Variants in L3MBTL2 observed in about 807,000 individuals in gnomAD.
L3MBTL2 encodes L3MBTL histone methyl-lysine binding protein 2.
In L3MBTL2, 49 loss-of-function variants were observed where a neutral mutation model predicts 86.4. The observed-to-expected ratio is 0.57, with a 90% CI of 0.45 to 0.72. The LOEUF (loss-of-function observed/expected upper bound fraction) is 0.72, where lower values mean the gene tolerates loss of function less well. Among genes scored for constraint, L3MBTL2 ranks in the 30% least tolerant of loss-of-function variants. L3MBTL2 has a pLI of 0.00. For synonymous variants in L3MBTL2, 336 were observed against 350.6 expected, an observed-to-expected ratio of 0.96 and a Z score of 0.47; for missense variants, 755 against 923.7, an observed-to-expected ratio of 0.82 and a Z score of 2.37.
Position 41,220,629 on chromosome 22 carries a change from G to T in L3MBTL2, c.719-105G>T, listed in dbSNP as rs2031737479. The T allele has an allele frequency of 1.4e-5, 18 of 1,307,660 alleles. No individual in the cohort carries two copies. In the South Asian group the frequency reaches 2.8e-4, roughly 20 times the overall value. 81.0% of individuals were successfully genotyped at this position (1,307,660 alleles called of 1,614,324 possible). On this transcript the variant is annotated intron_variant, in intron 6 of 16. Coordinates refer to ENST00000216237, the MANE Select transcript of L3MBTL2 (RefSeq NM_031488.5). ...GCTGAGATGGCGCCACTGCACTCCA[G>T]CCTGGGCGACAGAGCAAGACTTCGT...
rs2031633869 is a variant in L3MBTL2, at chr22:41,219,261, A to G, written c.601-158A>G. ...CCCGGCTTAGCTCTTCAAGGACAGG[A>G]GACCTCATCTCTTTATCTCTAGTAG... On this transcript the variant is annotated intron_variant, in intron 5 of 16. Coordinates refer to ENST00000216237, the MANE Select transcript of L3MBTL2 (RefSeq NM_031488.5). The G allele has an allele frequency of 5.0e-6, 3 of 602,562 alleles. No homozygotes were observed. In the South Asian group the frequency reaches 5.2e-5, roughly 11 times the overall value. 37.3% of individuals were successfully genotyped at this position (602,562 alleles called of 1,614,324 possible).
At position 41,227,402 on chromosome 22, in the gene L3MBTL2, T is replaced by C. The variant is rs1488270073; in HGVS notation, c.1822+79T>C. 7.2e-7 allele frequency: 1 copy of C among 1,394,390 alleles called. No homozygotes were observed. The highest frequency in any genetic ancestry group is 9.9e-7 in the Non-Finnish European group (1 of 1,007,150). The allele number at this position is 1,394,390 out of a possible 1,614,324, so 86.4% of individuals were successfully genotyped here. A position where few individuals can be genotyped will look rare whatever the true frequency, so the allele number is the denominator to read the frequency against. On this transcript the variant is annotated intron_variant, in intron 14 of 16. Transcript: ENST00000216237. This position sits in a 1 kb window ranked among gnomAD's most constrained non-coding sequence, Gnocchi z 6.0. ...CCTTCTTCCCCCGCCCCTGTGCCCA[T>C]CTCCGTTCTTTGGCATGAGGTGGAG...
At chr22:41,211,034 G>A (rs1345469521) in intron 2 of L3MBTL2, among the ~76,000 whole-genome samples, 3 of 152,046 alleles carry the variant, frequency 2.0e-5, no homozygotes, top group African/African-American at 4.8e-5. Context: ...GGTTGGGGGC[G>A]GGCAGATGAG....
Position 41,224,918 on chromosome 22 carries a change from C to G in L3MBTL2, c.1252-49C>G. On this transcript the variant is annotated intron_variant, in intron 10 of 16. Coordinates refer to ENST00000216237, the MANE Select transcript of L3MBTL2 (RefSeq NM_031488.5). The surrounding 1 kb of genome is among the most constrained non-coding windows in gnomAD (Gnocchi z 4.9). ...CCTCCTGAGGCCTGCTTCCCTCACC[C>G]TTCCTCCTGGCCTGCCCAGGGAGTC... 1 of 1,581,572 alleles carries G rather than the reference C, an allele frequency of 6.3e-7. No individual in the cohort carries two copies. The highest frequency in any genetic ancestry group is 8.7e-7 in the Non-Finnish European group (1 of 1,152,056).
At position 41,216,181 on chromosome 22, in the gene L3MBTL2, G is replaced by A. The variant is rs1257983358; in HGVS notation, c.439G>A (p.Ala147Thr). The change falls in exon 4 of 17, where the codon GCC becomes ACC. Residue 147 changes from alanine (A) to threonine (T), a missense_variant. This residue lies in a region of L3MBTL2 where 634 missense variants were observed against 748.9 expected (regional missense o/e 0.85). Transcript: ENST00000216237. Reference protein sequence around the residue: ...TKKAKVLHKAAWSAKIGAFLH... With the variant: ...TKKAKVLHKATWSAKIGAFLH... Reference sequence around the variant, plus strand: ...AAAAGCCAAAGTCCTGCACAAGGCTGCCTGGTCTGCCAAAATTGGAGCCTT... The same window carrying A: ...AAAAGCCAAAGTCCTGCACAAGGCTACCTGGTCTGCCAAAATTGGAGCCTT... 3 of 1,614,000 alleles carry A rather than the reference G, an allele frequency of 1.9e-6. No homozygotes were observed. Among genetic ancestry groups the A allele is most frequent in the Non-Finnish European group, 2.5e-6 (3 of 1,179,990 alleles).
rs749188196 is a variant in L3MBTL2 at position 41,220,867 on chromosome 22, G to C, written c.852G>C (p.Arg284=). 6.2e-7 allele frequency: 1 copy of C among 1,612,698 alleles called. No homozygotes were observed. The highest frequency in any genetic ancestry group is 8.5e-7 in the Non-Finnish European group (1 of 1,179,050). The part of the protein sequence containing the change: ...AINSKILVPP[R]TIHAKFTDWK... ...ACAGCAAGATCCTAGTGCCCCCACGGAGTGAGTTGATGAGAACATTTCCTC... is the reference window on the plus strand; with the variant it reads ...ACAGCAAGATCCTAGTGCCCCCACGCAGTGAGTTGATGAGAACATTTCCTC... The change falls in exon 7 of 17, where the codon CGG becomes CGC. Residue 284 remains arginine, a splice_region_variant and synonymous_variant. Transcript: ENST00000216237.
In L3MBTL2 at chr22:41,230,120, G is replaced by A. The variant is rs373019962; in HGVS notation, c.2006-19G>A. ...GAGTTATTTACTCGCCCACCCACCC[G>A]CCTCCCCTCCCTCTTCAGTCATTGC... On this transcript the variant is annotated intron_variant, in intron 16 of 16. Coordinates refer to ENST00000216237, the MANE Select transcript of L3MBTL2 (RefSeq NM_031488.5). The A allele has an allele frequency of 1.7e-4, 37 of 217,638 alleles. No individual in the cohort carries two copies. Among genetic ancestry groups the A allele is most frequent in the African/African-American group, 4.2e-4 (3 of 7,182 alleles). 13.5% of individuals were successfully genotyped at this position (217,638 alleles called of 1,614,324 possible).
rs780943418 is a variant in L3MBTL2 at position 41,227,813 on chromosome 22, C to T, written c.1832C>T (p.Thr611Ile). 74 of 1,613,788 alleles carry T rather than the reference C, an allele frequency of 4.6e-5. No homozygotes were observed. Among genetic ancestry groups the T allele is most frequent in the Non-Finnish European group, 5.9e-5 (70 of 1,179,890 alleles). Reference sequence around the variant, plus strand: ...TGTCTTTCAACAACAGAACCGGCCACACCGCTGAAGGCCAAAGAGGCCACA... The same window carrying T: ...TGTCTTTCAACAACAGAACCGGCCATACCGCTGAAGGCCAAAGAGGCCACA... ...LQPPVAAEPA[T>I]PLKAKEATKK... is the part of the protein sequence containing the mutation. Residue 611 changes from threonine (T) to isoleucine (I), a missense_variant, in exon 15 of 17, where the codon ACA becomes ATA. Physicochemically the swap from Thr to Ile is moderately conservative, Grantham distance 89. This residue lies in a region of L3MBTL2 where 634 missense variants were observed against 748.9 expected (regional missense o/e 0.85). Coordinates refer to ENST00000216237, the MANE Select transcript of L3MBTL2 (RefSeq NM_031488.5). The surrounding 1 kb of genome is among the most constrained non-coding windows in gnomAD (Gnocchi z 6.0).
chr22:41,215,730 G>A (rs1458049526), intron 3 of L3MBTL2, among the ~76,000 whole-genome samples: 1 of 151,944 alleles, frequency 6.6e-6, no homozygotes, highest in Non-Finnish European at 1.5e-5. Flanking sequence ...TCGCCTATGT[G>A]GACCCTCTCC....
intron 13 of L3MBTL2, 62 bp downstream of exon 13, chr22:41,226,806 C>T: frequency 1.7e-6 from 2 of 1,199,904 alleles, no homozygotes; most frequent in Non-Finnish European, 1.2e-6. Flanking sequence ...CTGCCTGCTG[C>T]TGTCAGTGGT....
intron 4 of L3MBTL2, chr22:41,216,911 C>A: frequency 2.0e-6 from 1 of 503,258 alleles, no homozygotes; most frequent in Admixed American, 3.6e-5. Context: ...GAGAGTCTTG[C>A]CACCTTTCAA....
At position 41,224,938 on chromosome 22, in the gene L3MBTL2, G is replaced by A; in HGVS notation, c.1252-29G>A. The A allele has an allele frequency of 6.2e-7, 1 of 1,600,232 alleles. No individual in the cohort carries two copies. The highest frequency in any genetic ancestry group is 1.3e-5 in the African/African-American group (1 of 74,614). On this transcript the variant is annotated intron_variant, in intron 10 of 16. Coordinates refer to ENST00000216237, the MANE Select transcript of L3MBTL2 (RefSeq NM_031488.5). The surrounding 1 kb of genome is among the most constrained non-coding windows in gnomAD (Gnocchi z 4.9). Reference sequence around the variant, plus strand: ...TCACCCTTCCTCCTGGCCTGCCCAGGGAGTCCCCAGCTGTCCCATTCCTTT... The same window carrying A: ...TCACCCTTCCTCCTGGCCTGCCCAGAGAGTCCCCAGCTGTCCCATTCCTTT...
intron 1 of L3MBTL2, among the ~76,000 whole-genome samples, chr22:41,206,334 G>T (rs555104545): frequency 8.0e-4 from 122 of 151,842 alleles, no homozygotes; most frequent in African/African-American, 2.9e-3. Context: ...TTTAAGAGAC[G>T]GGGTGTTCCT....
intron 2 of L3MBTL2, among the ~76,000 whole-genome samples, chr22:41,212,906 A>G: frequency 6.6e-6 from 1 of 150,994 alleles, no homozygotes; most frequent in African/African-American, 2.4e-5. Flanking sequence ...AAAAAAAAAA[A>G]AAAGTGAAGT....
At chr22:41,228,806 C>T (rs2032372809) in intron 15 of L3MBTL2, among the ~76,000 whole-genome samples, 1 of 151,408 alleles carries the variant, frequency 6.6e-6, no homozygotes, top group Non-Finnish European at 1.5e-5. Flanking sequence ...GCCCAGATCG[C>T]TCCACTTCAC....
chr22:41,221,056 C>A, intron 7 of L3MBTL2, 143 bp from the exon 8 acceptor site: 1 of 940,976 alleles, frequency 1.1e-6, no homozygotes, highest in South Asian at 1.7e-5. Flanking sequence ...CTGATGTTCT[C>A]AGATGAAGTC....
At position 41,225,835 on chromosome 22, in the gene L3MBTL2, G is replaced by C; in HGVS notation, c.1398G>C (p.Gly466=). ...ACCTGATGATCTGTGTGGACGGGGG[G>C]CCCTCCACAGATGGCTTGGACTGGT... ...DGYLMICVDG[G]PSTDGLDWFC... is the part of the protein sequence containing the mutation. The change falls in exon 12 of 17, where the codon GGG becomes GGC. Residue 466 remains glycine (G), a synonymous_variant. Coordinates refer to ENST00000216237, the MANE Select transcript of L3MBTL2 (RefSeq NM_031488.5). This position sits in a 1 kb window ranked among gnomAD's most constrained non-coding sequence, Gnocchi z 4.1. 2.5e-6 allele frequency: 4 copies of C among 1,614,030 alleles called. No individual in the cohort carries two copies. The highest frequency in any genetic ancestry group is 4.5e-5 in the East Asian group (2 of 44,878).
At chr22:41,216,695 C>T (rs1253287526) in intron 4 of L3MBTL2, among the ~76,000 whole-genome samples, 2 of 152,192 alleles carry the variant, frequency 1.3e-5, no homozygotes, top group Non-Finnish European at 2.9e-5. Context: ...TATCATTGTT[C>T]TGAGTTTCTA....
At chr22:41,228,340 C>T (rs2032336666) in intron 15 of L3MBTL2, 3 of 985,346 alleles carry the variant, frequency 3.0e-6, no homozygotes, top group Non-Finnish European at 3.6e-6. Context: ...CAGGACTCCA[C>T]CTGGCTCTCA....
Sources: gnomAD v4.1 joint callset for allele counts (sites outside exome capture counted in the v4.1 genomes callset) on GRCh38, gnomAD v4.1.1 for gene constraint, gnomAD v4.1.1 regional missense constraint, Gnocchi (gnomAD v3.1) non-coding constraint, MANE v1.5 for transcripts, NCBI Gene and HGNC (gene_info 2026-07-23, HGNC 2026-07-21) for gene names.